The following CSNK2A2IP variants were observed in gnomAD, a reference collection of about 807,000 sequenced individuals.
The protein encoded by CSNK2A2IP is casein kinase 2 subunit alpha' interacting protein.
chr3:88,360,570 A>G, the CSNK2A2IP span, among the ~76,000 whole-genome samples: 2 of 152,178 alleles, frequency 1.3e-5, no homozygotes, highest in Middle Eastern at 6.8e-3. Flanking sequence ...AGGTCAAGTG[A>G]GTTACTTGTA....
the CSNK2A2IP span, among the ~76,000 whole-genome samples, chr3:88,462,116 T>C: frequency 2.6e-5 from 1 of 38,506 alleles, no homozygotes; most frequent in East Asian, 4.4e-4. Flanking sequence ...GTTTTTTTCA[T>C]ATATATATAT....
the CSNK2A2IP span, among the ~76,000 whole-genome samples, chr3:88,428,481 C>T: frequency 2.0e-5 from 3 of 152,060 alleles, no homozygotes; most frequent in African/African-American, 7.2e-5. Context: ...GGCTCTGTGT[C>T]CCCACCCAGA....
chr3:88,459,020 C>T, the CSNK2A2IP span, among the ~76,000 whole-genome samples: 1 of 152,026 alleles, frequency 6.6e-6, no homozygotes, highest in Non-Finnish European at 1.5e-5. Flanking sequence ...ATTTTGTATA[C>T]CCTTACTGAT....
chr3:88,418,277 T>C, the CSNK2A2IP span, among the ~76,000 whole-genome samples: 1 of 152,078 alleles, frequency 6.6e-6, no homozygotes, highest in Non-Finnish European at 1.5e-5. Flanking sequence ...AAAAGTTTTC[T>C]TTTTTTAAAA....
the CSNK2A2IP span, among the ~76,000 whole-genome samples, chr3:88,431,599 C>G: frequency 4.1e-4 from 62 of 152,054 alleles, no homozygotes; most frequent in African/African-American, 1.4e-3. Context: ...CCCCAATAAA[C>G]TATGGAAGTA....
At chr3:88,367,975 T>C in the CSNK2A2IP span, among the ~76,000 whole-genome samples, 4 of 152,066 alleles carry the variant, frequency 2.6e-5, no homozygotes, top group Non-Finnish European at 5.9e-5. Flanking sequence ...TGAAAATGAA[T>C]ATACCAATAT....
chr3:88,365,020 A>G, the CSNK2A2IP span, among the ~76,000 whole-genome samples: 1 of 152,140 alleles, frequency 6.6e-6, no homozygotes, highest in Non-Finnish European at 1.5e-5. Context: ...ATTTCTTTAG[A>G]TAAGGAAATT....
chr3:88,410,657 G>C, the CSNK2A2IP span, among the ~76,000 whole-genome samples: 2 of 151,724 alleles, frequency 1.3e-5, no homozygotes. Flanking sequence ...TCTTATTCTA[G>C]TTTCTATTCT....
chr3:88,378,493 C>T, the CSNK2A2IP span, among the ~76,000 whole-genome samples: 180 of 151,960 alleles, frequency 1.2e-3, no homozygotes, highest in South Asian at 0.019. Flanking sequence ...AACTGGTGGC[C>T]ACATGTGGTT....
At chr3:88,407,003 T>C in the CSNK2A2IP span, among the ~76,000 whole-genome samples, 1 of 152,152 alleles carries the variant, frequency 6.6e-6, no homozygotes. Context: ...CAATTGCTTT[T>C]TGTAGCATGT....
At chr3:88,430,039 G>A in the CSNK2A2IP span, among the ~76,000 whole-genome samples, 5 of 152,130 alleles carry the variant, frequency 3.3e-5, no homozygotes, top group East Asian at 9.7e-4. Flanking sequence ...GGGAGTACAG[G>A]CGTGAGCCAC....
At chr3:88,373,752 G>A in the CSNK2A2IP span, among the ~76,000 whole-genome samples, 1 of 151,042 alleles carries the variant, frequency 6.6e-6, no homozygotes, top group African/African-American at 2.4e-5. Context: ...ACTTGACAGA[G>A]CAAGCAAAAA....
the CSNK2A2IP span, among the ~76,000 whole-genome samples, chr3:88,387,937 G>T: frequency 6.6e-6 from 1 of 151,986 alleles, no homozygotes; most frequent in Non-Finnish European, 1.5e-5. Flanking sequence ...GTGTTGCCCA[G>T]GTTGATTTCT....
the CSNK2A2IP span, among the ~76,000 whole-genome samples, chr3:88,390,497 G>A: frequency 0.3 from 46,326 of 152,068 alleles, 7,429 homozygotes; most frequent in Admixed American, 0.41. Flanking sequence ...ATAACTCAAC[G>A]TCACATCCAA....
At chr3:88,400,450 G>A in the CSNK2A2IP span, among the ~76,000 whole-genome samples, 1 of 152,118 alleles carries the variant, frequency 6.6e-6, no homozygotes, top group African/African-American at 2.4e-5. Context: ...AAACCCATGA[G>A]TATATTATCA....
chr3:88,418,557 C>T, the CSNK2A2IP span, among the ~76,000 whole-genome samples: 2 of 152,010 alleles, frequency 1.3e-5, no homozygotes, highest in Non-Finnish European at 2.9e-5. Flanking sequence ...TTACTACTTA[C>T]AATTAGCCTT....
At chr3:88,411,839 T>C in the CSNK2A2IP span, among the ~76,000 whole-genome samples, 1 of 150,902 alleles carries the variant, frequency 6.6e-6, no homozygotes, top group African/African-American at 2.4e-5. Flanking sequence ...TTTTATATTA[T>C]TAAATATATT....
the CSNK2A2IP span, among the ~76,000 whole-genome samples, chr3:88,379,399 G>A: frequency 2.0e-5 from 3 of 152,100 alleles, no homozygotes; most frequent in Non-Finnish European, 4.4e-5. Context: ...AGAAGATTAA[G>A]ACATATTTTC....
At chr3:88,403,210 T>C in the CSNK2A2IP span, among the ~76,000 whole-genome samples, 63 of 152,208 alleles carry the variant, frequency 4.1e-4, 1 homozygote, top group African/African-American at 1.5e-3. Flanking sequence ...TTTGCAAAAC[T>C]ATTTCTCAAG....
Sources: allele counts gnomAD v4.1 joint callset (sites outside exome capture counted in the v4.1 genomes callset), GRCh38; gene constraint gnomAD v4.1.1; transcripts MANE v1.5; gene names NCBI Gene and HGNC (gene_info 2026-07-23, HGNC 2026-07-21).